The following PRKCE variants were observed in gnomAD, a reference collection of about 807,000 sequenced individuals.
The protein encoded by PRKCE is protein kinase C epsilon.
A neutral mutation model predicts 85.4 loss-of-function variants in PRKCE; 16 were observed. That is an observed-to-expected ratio of 0.19 (90% CI 0.13 to 0.28). The LOEUF (loss-of-function observed/expected upper bound fraction) is 0.28, where lower values mean the gene tolerates loss of function less well. Ranked by LOEUF, PRKCE falls within the 10% of genes least tolerant of loss-of-function variation. The pLI, the probability that PRKCE is intolerant of heterozygous loss-of-function variation, is 1.00. For synonymous variants in PRKCE, 388 were observed against 371.5 expected (o/e 1.04, Z -0.51); for missense variants, 573 against 975.2 (o/e 0.59, Z 5.49).
At chr2:46,028,989 C>T (rs192983229) in intron 10 of PRKCE, among the ~76,000 whole-genome samples, 2 of 152,280 alleles carry the variant, frequency 1.3e-5, no homozygotes, top group East Asian at 3.9e-4. Context: ...AGGACATGAT[C>T]TGGTTCTTTT....
intron 1 of PRKCE, among the ~76,000 whole-genome samples, chr2:45,739,659 G>C (rs138174579): frequency 6.6e-6 from 1 of 152,128 alleles, no homozygotes; most frequent in East Asian, 1.9e-4. Context: ...AAATTCTAGG[G>C]TTAGGAAATA....
At chr2:45,849,872 G>T (rs1692107989) in intron 2 of PRKCE, among the ~76,000 whole-genome samples, 1 of 152,102 alleles carries the variant, frequency 6.6e-6, no homozygotes, top group Non-Finnish European at 1.5e-5. Flanking sequence ...CTCTATTTTT[G>T]GTCCTGATGG....
At chr2:45,859,169 G>C (rs560512635) in intron 2 of PRKCE, among the ~76,000 whole-genome samples, 1 of 151,674 alleles carries the variant, frequency 6.6e-6, no homozygotes, top group Non-Finnish European at 1.5e-5. Flanking sequence ...GCTGCAGTTC[G>C]TTTTTTTATT....
intron 1 of PRKCE, among the ~76,000 whole-genome samples, chr2:45,803,932 GA>G (rs886860427): frequency 6.6e-6 from 1 of 152,190 alleles, no homozygotes; most frequent in African/African-American, 2.4e-5. Context: ...GGCAAAGCTG[GA>G]AGTCAGGATC....
At chr2:46,032,481 C>CG (rs1707593414) in intron 10 of PRKCE, among the ~76,000 whole-genome samples, 1 of 152,236 alleles carries the variant, frequency 6.6e-6, no homozygotes, top group South Asian at 2.1e-4. Context: ...GTCAGGCCAC[C>CG]TCTTTACCCC....
intron 1 of PRKCE, among the ~76,000 whole-genome samples, chr2:45,667,389 C>T (rs555656525): frequency 2.6e-5 from 4 of 152,246 alleles, no homozygotes; most frequent in South Asian, 4.1e-4. Context: ...ATCAAGTGAT[C>T]CTCTCACTTC....
chr2:45,769,768 C>T (rs1186528613), intron 1 of PRKCE, among the ~76,000 whole-genome samples: 1 of 152,164 alleles, frequency 6.6e-6, no homozygotes, highest in Non-Finnish European at 1.5e-5. Flanking sequence ...TACAAATCAA[C>T]CAGATACAGA....
chr2:45,838,111 A>G (rs192083315), intron 1 of PRKCE, among the ~76,000 whole-genome samples: 1 of 152,276 alleles, frequency 6.6e-6, no homozygotes, highest in Non-Finnish European at 1.5e-5. Flanking sequence ...CCCTCAGAGC[A>G]CCATGGGGTG....
At chr2:45,828,139 A>G (rs1690104242) in intron 1 of PRKCE, among the ~76,000 whole-genome samples, 2 of 152,374 alleles carry the variant, frequency 1.3e-5, no homozygotes, top group African/African-American at 2.4e-5. Flanking sequence ...AAGGTAGTTA[A>G]AAGGTAACAT....
chr2:45,767,196 A>G (rs1382728248), intron 1 of PRKCE, among the ~76,000 whole-genome samples: 2 of 152,188 alleles, frequency 1.3e-5, no homozygotes, highest in African/African-American at 2.4e-5. Context: ...AGTTTTCTCA[A>G]ATACCTCTGC....
chr2:45,794,417 T>C (rs890426149), intron 1 of PRKCE, among the ~76,000 whole-genome samples: 4 of 152,144 alleles, frequency 2.6e-5, no homozygotes, highest in African/African-American at 9.7e-5. Context: ...AGGAAGGAAT[T>C]ACACTCTGGG....
intron 14 of PRKCE, among the ~76,000 whole-genome samples, chr2:46,183,516 C>T (rs563679559): frequency 1.3e-5 from 2 of 152,206 alleles, no homozygotes; most frequent in African/African-American, 4.8e-5. Context: ...TGCTGGAGTC[C>T]CTGCCTTTAA....
In PRKCE at chr2:46,174,471, G is replaced by T. The variant is rs148770286; in HGVS notation, c.2068-10264G>T. Among the ~76,000 whole-genome samples the T allele has an allele frequency of 4.6e-5, 7 of 152,314 alleles. No homozygotes were observed. In the East Asian group the frequency reaches 1.4e-3, roughly 29 times the overall value. The stretch of plus-strand genomic sequence containing the variant: ...GCAACATTTAAAAAGAGATGTAAGT[G>T]AAAATGTAGATTGGGGCATTTCGTG... On this transcript the variant is annotated intron_variant, in intron 14 of 14. Transcript: ENST00000306156.
At chr2:45,949,589 C>G (rs1247470400) in intron 2 of PRKCE, among the ~76,000 whole-genome samples, 2 of 151,184 alleles carry the variant, frequency 1.3e-5, no homozygotes, top group African/African-American at 4.9e-5. Flanking sequence ...TTGGTGTTTG[C>G]TTTTTGCTTT....
chr2:46,151,528 ATC>A lies in PRKCE; in HGVS notation c.1920+301_1920+302del, dbSNP rs553234025. On this transcript the variant is annotated intron_variant, in intron 13 of 14. Transcript: ENST00000306156. ...CTTCCTGAGATGAGGCACTGTGTAC[ATC>A]TGTGTCCTCCAGCATTTCAGAGGGA... is the stretch of plus-strand genomic sequence containing the variant. Among the ~76,000 whole-genome samples the A allele has an allele frequency of 2.3e-3, 354 of 152,286 alleles. 1 individual carries two copies. The highest frequency in any genetic ancestry group is 5.4e-3 in the South Asian group (26 of 4,826).
chr2:45,850,770 G>A (rs1692183216), intron 2 of PRKCE, among the ~76,000 whole-genome samples: 1 of 152,182 alleles, frequency 6.6e-6, no homozygotes, highest in African/African-American at 2.4e-5. Context: ...AGGGGCCAGT[G>A]TAGGGGTGTA....
rs1219567945 is a variant in PRKCE at position 46,010,600 on chromosome 2, T to C, written c.1437+83T>C. ...AATACCAATTTTAGACCCTCTACAT[T>C]GTTCTCTCAAAGACTTTGTAAAGTG... is the stretch of plus-strand genomic sequence containing the variant. On this transcript the variant is annotated intron_variant, in intron 10 of 14. Transcript: ENST00000306156. 5.0e-6 allele frequency: 8 copies of C among 1,598,888 alleles called. No homozygotes were observed. In the African/African-American group the frequency reaches 1.1e-4, roughly 21 times the overall value.
intron 2 of PRKCE, among the ~76,000 whole-genome samples, chr2:45,938,463 A>AGGG (rs1371814333): frequency 7.2e-5 from 11 of 151,836 alleles, no homozygotes; most frequent in Non-Finnish European, 1.2e-4. Context: ...CTCCCTACCC[A>AGGG]CTCTATAGAT....
At chr2:45,671,834 C>T (rs748709296) in intron 1 of PRKCE, among the ~76,000 whole-genome samples, 6 of 151,892 alleles carry the variant, frequency 4.0e-5, no homozygotes, top group Non-Finnish European at 2.9e-5. Context: ...TTTGCGAGGC[C>T]GAGGCAGGGG....
Sources: allele counts gnomAD v4.1 joint callset (sites outside exome capture counted in the v4.1 genomes callset), GRCh38; gene constraint gnomAD v4.1.1; transcripts MANE v1.5; gene names NCBI Gene and HGNC (gene_info 2026-07-23, HGNC 2026-07-21).